The following COL5A1 variants were observed in gnomAD, a reference collection of about 807,000 sequenced individuals.
The protein encoded by COL5A1 is collagen type V alpha 1 chain.
COL5A1 carries 16 observed loss-of-function variants against 263.7 expected under a neutral mutation model. The observed-to-expected ratio is 0.06, with a 90% CI of 0.04 to 0.09. The LOEUF is 0.09. Among genes scored for constraint, COL5A1 ranks in the 10% least tolerant of loss-of-function variants. The pLI, the probability that COL5A1 is intolerant of heterozygous loss-of-function variation, is 1.00. For missense variants in COL5A1, 2,036 were observed against 2,540.5 expected (o/e 0.80, Z 4.27); for synonymous variants, 1,012 against 1,004.5 (o/e 1.01, Z -0.14).
rs1177120067 is a variant in COL5A1 at position 134,835,082 on chromosome 9, G to A, written c.5248G>A (p.Val1750Met). The A allele has an allele frequency of 6.2e-7, 1 of 1,613,662 alleles. No individual in the cohort carries two copies. Among genetic ancestry groups the A allele is most frequent in the South Asian group, 1.1e-5 (1 of 91,090 alleles). ...CGTCACCTACCACTGCTACCAGTCAGTGGCCTGGCAGGACGCAGCCACGGG... is the reference window on the plus strand; with the variant it reads ...CGTCACCTACCACTGCTACCAGTCAATGGCCTGGCAGGACGCAGCCACGGG... ...QNVTYHCYQS[V>M]AWQDAATGSY... The change falls in exon 65 of 66, where the codon GTG becomes ATG. Residue 1750 changes from valine to methionine, a missense_variant. Physicochemically the swap from Val to Met is conservative, Grantham distance 21. Coordinates refer to ENST00000371817, the MANE Select transcript of COL5A1 (RefSeq NM_000093.5).
In COL5A1 at chr9:134,700,063, G is replaced by A. The variant is rs528963362; in HGVS notation, c.432G>A (p.Thr144=). 6.8e-6 allele frequency: 11 copies of A among 1,612,588 alleles called. No individual in the cohort carries two copies. Among genetic ancestry groups the A allele is most frequent in the South Asian group, 4.4e-5 (4 of 91,076 alleles). Residue 144 remains threonine, a synonymous_variant, in exon 3 of 66, where the codon ACG becomes ACA. Coordinates refer to ENST00000371817, the MANE Select transcript of COL5A1 (RefSeq NM_000093.5). This position sits in a 1 kb window ranked among gnomAD's most constrained non-coding sequence, Gnocchi z 4.0. ...CCGTCTTCCTCTACGAGGACCACACGGGGAAGCCTGGCCCGGAAGACTACC... is the reference window on the plus strand; with the variant it reads ...CCGTCTTCCTCTACGAGGACCACACAGGGAAGCCTGGCCCGGAAGACTACC... ...RSPVFLYEDH[T]GKPGPEDYPL... is the part of the protein sequence containing the mutation.
intron 29 of COL5A1, 74 bp downstream of exon 29, chr9:134,782,794 G>A (rs1837312192): frequency 2.2e-6 from 3 of 1,348,016 alleles, no homozygotes; most frequent in Non-Finnish European, 2.1e-6. Flanking sequence ...GGGTGGGGAT[G>A]TTTGCCGCCA....
chr9:134,804,087 A>C (rs1838208077), intron 39 of COL5A1, among the ~76,000 whole-genome samples: 1 of 152,230 alleles, frequency 6.6e-6, no homozygotes, highest in Non-Finnish European at 1.5e-5. Context: ...AGGACCACAG[A>C]AGAGTAAACC....
At chr9:134,733,716 G>A (rs539173753) in intron 9 of COL5A1, among the ~76,000 whole-genome samples, 2 of 152,240 alleles carry the variant, frequency 1.3e-5, no homozygotes, top group Non-Finnish European at 2.9e-5. Flanking sequence ...CAGAAGCAGG[G>A]GGCTGCGGGC....
At chr9:134,772,990 TG>T (rs895136994) in intron 26 of COL5A1, among the ~76,000 whole-genome samples, 156 bp downstream of exon 26, 5 of 152,120 alleles carry the variant, frequency 3.3e-5, no homozygotes, top group African/African-American at 9.7e-5. Context: ...GGACCCAGCC[TG>T]GGGGGGACAC....
chr9:134,719,188 G>T (rs1834366964), intron 4 of COL5A1, among the ~76,000 whole-genome samples: 1 of 152,206 alleles, frequency 6.6e-6, no homozygotes, highest in African/African-American at 2.4e-5. Context: ...CCACACACAT[G>T]CATACCTGTT....
chr9:134,838,009 C>T (rs1477695370), intron 65 of COL5A1, among the ~76,000 whole-genome samples: 1 of 152,184 alleles, frequency 6.6e-6, no homozygotes, highest in South Asian at 2.1e-4. Flanking sequence ...CTGAGACAGC[C>T]CAGGCCATGG....
At chr9:134,763,355 CT>C (rs1323880805) in intron 19 of COL5A1, among the ~76,000 whole-genome samples, 1 of 152,220 alleles carries the variant, frequency 6.6e-6, no homozygotes, top group Non-Finnish European at 1.5e-5. Context: ...TGACTCTCCC[CT>C]GATGCCCTGT....
Position 134,844,624 on chromosome 9 carries a change from A to G in COL5A1, c.*2321A>G, listed in dbSNP as rs1830196131. On this transcript the variant is annotated 3_prime_UTR_variant, in exon 66 of 66. Transcript: ENST00000371817. ...ACGCTGGCAAAAAGAAAAAAATGGTAAGCAAAAAACCCAAGATAAAGTTTC... is the reference window on the plus strand; with the variant it reads ...ACGCTGGCAAAAAGAAAAAAATGGTGAGCAAAAAACCCAAGATAAAGTTTC... 1.3e-5 allele frequency: 2 copies of G among 152,240 alleles called. No homozygotes were observed. Among genetic ancestry groups the G allele is most frequent in the African/African-American group, 4.8e-5 (2 of 41,466 alleles). The allele number at this position is 152,240 out of a possible 1,614,324, so 9.4% of individuals were successfully genotyped here.
At chr9:134,714,122 A>G (rs1033988476) in intron 4 of COL5A1, among the ~76,000 whole-genome samples, 26 of 152,146 alleles carry the variant, frequency 1.7e-4, no homozygotes, top group African/African-American at 6.3e-4. Context: ...CTTATCAGAG[A>G]GATGCAAAAA....
intron 14 of COL5A1, among the ~76,000 whole-genome samples, chr9:134,753,111 G>T (rs1191060626): frequency 7.7e-6 from 1 of 129,842 alleles, no homozygotes; most frequent in Non-Finnish European, 1.6e-5. Flanking sequence ...CCTCGCACAG[G>T]CTGTGACTGC....
chr9:134,762,974 G>A (rs916714557), intron 19 of COL5A1, among the ~76,000 whole-genome samples: 6 of 152,188 alleles, frequency 3.9e-5, no homozygotes, highest in Non-Finnish European at 7.4e-5. Flanking sequence ...GGCTGTGTGC[G>A]TGTGTATGTG....
intron 63 of COL5A1, among the ~76,000 whole-genome samples, chr9:134,828,010 CT>C (rs1839361934): frequency 1.3e-5 from 2 of 152,202 alleles, no homozygotes; most frequent in South Asian, 4.1e-4. Flanking sequence ...AAGAAGAAGG[CT>C]GGGGGGATCA....
intron 14 of COL5A1, 32 bp from the exon 15 acceptor site, chr9:134,753,818 A>G (rs2132689712): frequency 1.4e-6 from 2 of 1,432,778 alleles, no homozygotes; most frequent in East Asian, 3.2e-5. Context: ...CCCCACCTCG[A>G]GCAGACATTA....
At chr9:134,811,283 C>G (rs891419086) in intron 44 of COL5A1, 56 bp from the exon 45 acceptor site, 17 of 1,557,822 alleles carry the variant, frequency 1.1e-5, no homozygotes, top group African/African-American at 2.7e-5. Flanking sequence ...CCACCCCTCC[C>G]TCAGCCTTAT....
chr9:134,823,922 G>A (rs1055712711), intron 61 of COL5A1, among the ~76,000 whole-genome samples: 2 of 152,060 alleles, frequency 1.3e-5, no homozygotes, highest in African/African-American at 4.8e-5. Context: ...ATATGTGTGT[G>A]CATGTGTAGT....
intron 18 of COL5A1, among the ~76,000 whole-genome samples, chr9:134,760,092 CCA>C (rs1314583175): frequency 6.5e-5 from 8 of 122,362 alleles, no homozygotes; most frequent in African/African-American, 1.7e-4. Context: ...GCATACACGC[CCA>C]CACACCCCCA....
intron 18 of COL5A1, among the ~76,000 whole-genome samples, chr9:134,760,453 AC>A: frequency 1.1e-5 from 1 of 93,544 alleles, no homozygotes; most frequent in Non-Finnish European, 2.0e-5. Flanking sequence ...ATGCATACAC[AC>A]CCACACACCC....
intron 11 of COL5A1, among the ~76,000 whole-genome samples, chr9:134,740,362 G>A (rs981896847): frequency 6.6e-6 from 1 of 152,228 alleles, no homozygotes; most frequent in African/African-American, 2.4e-5. Context: ...CCAGATTCGC[G>A]TGAGATGGGG....
Sources: allele counts gnomAD v4.1 joint callset (sites outside exome capture counted in the v4.1 genomes callset), GRCh38; gene constraint gnomAD v4.1.1; non-coding constraint Gnocchi (gnomAD v3.1); transcripts MANE v1.5; gene names NCBI Gene and HGNC (gene_info 2026-07-23, HGNC 2026-07-21).